Variants in CFAP96 observed in about 807,000 individuals in gnomAD.
The protein encoded by CFAP96 is cilia-and flagella-associated protein 96.
At chr4:185,445,157 A>C in the CFAP96 span, 6 of 1,527,140 alleles carry the variant, frequency 3.9e-6, no homozygotes, top group Non-Finnish European at 5.3e-6. Context: ...CTTAGCTTAC[A>C]AACTAAGAAA....
the CFAP96 span, among the ~76,000 whole-genome samples, chr4:185,435,390 GTTTAC>G: frequency 6.6e-6 from 1 of 152,258 alleles, no homozygotes; most frequent in East Asian, 1.9e-4. Flanking sequence ...ATTAAAATTT[GTTTAC>G]TTCAATGGTA....
the CFAP96 span, chr4:185,413,797 C>T: frequency 1.2e-6 from 2 of 1,613,274 alleles, no homozygotes; most frequent in South Asian, 1.1e-5. Flanking sequence ...TTGTATGGCT[C>T]ATCTGGAAAG....
At chr4:185,440,586 A>C in the CFAP96 span, 31 of 1,536,928 alleles carry the variant, frequency 2.0e-5, no homozygotes, top group Admixed American at 6.2e-5. Flanking sequence ...GCACCATTTA[A>C]GTTAAATCTT....
chr4:185,432,108 T>A, the CFAP96 span: 1 of 1,551,742 alleles, frequency 6.4e-7, no homozygotes, highest in South Asian at 1.2e-5. Context: ...GAAGGCTACA[T>A]AAATCTGAAT....
At chr4:185,432,401 A>C in the CFAP96 span, among the ~76,000 whole-genome samples, 1 of 152,344 alleles carries the variant, frequency 6.6e-6, no homozygotes, top group Non-Finnish European at 1.5e-5. Context: ...TTATCATATT[A>C]AATTTTGGAT....
the CFAP96 span, among the ~76,000 whole-genome samples, chr4:185,418,288 C>T: frequency 6.6e-6 from 1 of 152,062 alleles, no homozygotes; most frequent in African/African-American, 2.4e-5. Flanking sequence ...ATAAGTAAGA[C>T]AAACATATAA....
chr4:185,415,982 G>C, the CFAP96 span: 1 of 805,946 alleles, frequency 1.2e-6, no homozygotes, highest in East Asian at 2.9e-5. Context: ...TTTAAGACTA[G>C]CCAAGTACAG....
At chr4:185,447,847 G>T in the CFAP96 span, among the ~76,000 whole-genome samples, 3 of 152,256 alleles carry the variant, frequency 2.0e-5, no homozygotes, top group Admixed American at 1.3e-4. Context: ...GCTAAACTAT[G>T]CAATTAATAC....
At chr4:185,430,974 G>A in the CFAP96 span, among the ~76,000 whole-genome samples, 4 of 152,064 alleles carry the variant, frequency 2.6e-5, no homozygotes, top group Non-Finnish European at 4.4e-5. Context: ...CACTTTGGGA[G>A]GCTGAGGTGG....
chr4:185,434,485 G>A, the CFAP96 span, among the ~76,000 whole-genome samples: 3 of 151,826 alleles, frequency 2.0e-5, no homozygotes, highest in Admixed American at 1.3e-4. Flanking sequence ...TGACTCATGT[G>A]GTAATAATTG....
chr4:185,445,338 C>A, the CFAP96 span: 1 of 721,260 alleles, frequency 1.4e-6, no homozygotes, highest in Non-Finnish European at 2.2e-6. Context: ...GCTGAGAAAG[C>A]TTAAGTTATC....
At chr4:185,420,006 G>A in the CFAP96 span, among the ~76,000 whole-genome samples, 4,973 of 152,208 alleles carry the variant, frequency 0.033, 100 homozygotes, top group Middle Eastern at 0.072. Context: ...TTCAGCAGCC[G>A]CACCATTTTA....
the CFAP96 span, among the ~76,000 whole-genome samples, chr4:185,434,108 A>G: frequency 6.6e-6 from 1 of 152,068 alleles, no homozygotes; most frequent in Non-Finnish European, 1.5e-5. Flanking sequence ...AGTCCCAGCT[A>G]CTCGGGAGGC....
At chr4:185,422,379 CT>C in the CFAP96 span, 3 of 824,474 alleles carry the variant, frequency 3.6e-6, no homozygotes, top group Non-Finnish European at 5.9e-6. Flanking sequence ...ACAATATAAT[CT>C]TAGTTCATCC....
chr4:185,425,581 AG>A, the CFAP96 span, among the ~76,000 whole-genome samples: 4 of 152,234 alleles, frequency 2.6e-5, no homozygotes, highest in Admixed American at 6.5e-5. Context: ...CCTTCTTGCA[AG>A]GCTTCAAAAA....
At chr4:185,443,328 A>G in the CFAP96 span, among the ~76,000 whole-genome samples, 4 of 31,540 alleles carry the variant, frequency 1.3e-4, no homozygotes, top group South Asian at 4.2e-3. Context: ...ATGTATATAT[A>G]TATATATATA....
the CFAP96 span, chr4:185,429,262 A>C: frequency 2.0e-6 from 1 of 505,298 alleles, no homozygotes; most frequent in Non-Finnish European, 3.4e-6. Flanking sequence ...ACTGAAAGTA[A>C]TTAGAACTGG....
chr4:185,424,858 T>G, the CFAP96 span, among the ~76,000 whole-genome samples: 1 of 152,242 alleles, frequency 6.6e-6, no homozygotes, highest in African/African-American at 2.4e-5. Flanking sequence ...AGGGTTGTTA[T>G]GAAGATTCCA....
At chr4:185,443,921 CTTTTTTTTTTTTTTTTTTTTTTTTTTTTT>C in the CFAP96 span, among the ~76,000 whole-genome samples, 3 of 82,810 alleles carry the variant, frequency 3.6e-5, no homozygotes, top group Non-Finnish European at 7.1e-5. Context: ...CTATATCTTT[CTTTTTTTTTTTTTTTTTTTTTTTTTTTTT>C]TTTTTTTTTT....
Sources: gnomAD v4.1 joint callset for allele counts (sites outside exome capture counted in the v4.1 genomes callset) on GRCh38, gnomAD v4.1.1 for gene constraint, MANE v1.5 for transcripts, NCBI Gene and HGNC (gene_info 2026-07-23, HGNC 2026-07-21) for gene names.